RICTOR: variants seen among roughly 807,000 people sequenced by gnomAD.
RICTOR encodes RPTOR independent companion of MTOR complex 2.
Under a neutral mutation model 214.9 loss-of-function variants are expected in RICTOR, and 49 were observed. The observed-to-expected ratio is 0.23, with a 90% CI of 0.18 to 0.29. The LOEUF (loss-of-function observed/expected upper bound fraction) is 0.29, where lower values mean the gene tolerates loss of function less well. Among genes scored for constraint, RICTOR ranks in the 10% least tolerant of loss-of-function variants. The pLI is 1.00. For missense variants in RICTOR, 1,625 were observed against 2,047.0 expected (o/e 0.79, Z 3.98); for synonymous variants, 717 against 711.3 (o/e 1.01, Z -0.13).
In RICTOR at chr5:38,957,665, T is replaced by C; in HGVS notation, c.2486A>G (p.Glu829Gly). ...NERGYVAKQL[E>G]KWHREYNSKY... The stretch of plus-strand genomic sequence containing the variant: ...ATAAGAAGTTACCCTGTGCCACTTT[T>C]CCAATTGTTTTGCTACATAACCTCT... The change falls in exon 25 of 38, where the codon GAA becomes GGA. Residue 829 changes from glutamate (E) to glycine (G), a missense_variant. Physicochemically the swap from Glu to Gly is moderately conservative, Grantham distance 98. Around this residue, in one of 5 missense-constraint regions of RICTOR, gnomAD observed 1,214 missense variants for 1,470.5 expected, o/e 0.83. Transcript: ENST00000357387. 2 of 1,563,538 alleles carry C rather than the reference T, an allele frequency of 1.3e-6. No individual in the cohort carries two copies. Among genetic ancestry groups the C allele is most frequent in the Non-Finnish European group, 1.8e-6 (2 of 1,141,730 alleles).
At chr5:39,041,508 G>A (rs1757166306) in intron 2 of RICTOR, among the ~76,000 whole-genome samples, 1 of 152,128 alleles carries the variant, frequency 6.6e-6, no homozygotes, top group South Asian at 2.1e-4. Context: ...TCTGGAGAGT[G>A]AACTGCAGAA....
chr5:39,022,211 G>C (rs1272326049), intron 2 of RICTOR, among the ~76,000 whole-genome samples: 2 of 152,180 alleles, frequency 1.3e-5, no homozygotes, highest in Non-Finnish European at 2.9e-5. Context: ...TACATTAAAT[G>C]CATTTTTGAC....
chr5:39,033,141 C>T lies in RICTOR; in HGVS notation c.98-12005G>A, dbSNP rs72635278. Among the ~76,000 whole-genome samples, 1,164 of 152,260 alleles carry T rather than the reference C, an allele frequency of 7.6e-3. 16 individuals carry two copies. The highest frequency in any genetic ancestry group is 0.05 in the East Asian group (258 of 5,176). On this transcript the variant is annotated intron_variant, in intron 2 of 37. Coordinates refer to ENST00000357387, the MANE Select transcript of RICTOR (RefSeq NM_152756.5). ...AAATAACAACTATAAATAATATGAT[C>T]GCCTTAAGTGTAAACTTCAACTGCA...
At chr5:38,948,042 C>G (rs541105476) in intron 31 of RICTOR, among the ~76,000 whole-genome samples, 1 of 152,022 alleles carries the variant, frequency 6.6e-6, no homozygotes, top group South Asian at 2.1e-4. Context: ...CAATGTACTC[C>G]TTACTACTAG....
intron 26 of RICTOR, 68 bp downstream of exon 26, chr5:38,955,527 C>T: frequency 5.6e-6 from 5 of 887,662 alleles, no homozygotes; most frequent in Admixed American, 1.9e-5. Flanking sequence ...GCAGAATATA[C>T]AAAAACTCAG....
chr5:38,992,984 T>C (rs1236530789), intron 6 of RICTOR, among the ~76,000 whole-genome samples: 1 of 152,140 alleles, frequency 6.6e-6, no homozygotes, highest in Non-Finnish European at 1.5e-5. Context: ...AGAAGATCGA[T>C]GTAAGGTGAG....
Position 38,942,342 on chromosome 5 carries a change from G to T in RICTOR, c.5089C>A (p.Pro1697Thr). ...EEAEAVLATP[P>T]KQPIVDTSAE... The stretch of plus-strand genomic sequence containing the variant: ...GATGTATCAACTATAGGTTGCTTTG[G>T]TGGTGTTGCCAACACAGCCTCTGCT... Residue 1697 changes from proline to threonine, a missense_variant, in exon 38 of 38, where the codon CCA (proline) becomes ACA (threonine). Pro to Thr is a conservative substitution (Grantham distance 38). Around this residue, in one of 5 missense-constraint regions of RICTOR, gnomAD observed 38 missense variants for 34.8 expected, o/e 1.09. Coordinates refer to ENST00000357387, the MANE Select transcript of RICTOR (RefSeq NM_152756.5). 1 of 1,598,384 alleles carries T rather than the reference G, an allele frequency of 6.3e-7. No homozygotes were observed.
intron 27 of RICTOR, among the ~76,000 whole-genome samples, chr5:38,954,084 T>C (rs371608705): frequency 7.1e-5 from 10 of 139,876 alleles, no homozygotes; most frequent in East Asian, 2.1e-4. Context: ...CATGAAACTA[T>C]AGAGTACATT....
chr5:39,066,533 G>A (rs1366326552), intron 2 of RICTOR, among the ~76,000 whole-genome samples: 2 of 152,220 alleles, frequency 1.3e-5, no homozygotes, highest in Admixed American at 6.5e-5. Context: ...TAGCCTGCTT[G>A]AATTCCTCCC....
At chr5:39,046,940 C>T (rs1189963941) in intron 2 of RICTOR, among the ~76,000 whole-genome samples, 1 of 152,102 alleles carries the variant, frequency 6.6e-6, no homozygotes, top group African/African-American at 2.4e-5. Flanking sequence ...CCCTTTAAGT[C>T]AATGCCTCAA....
chr5:38,942,685 G>A, intron 37 of RICTOR, 148 bp downstream of exon 37: 1 of 616,106 alleles, frequency 1.6e-6, no homozygotes, highest in South Asian at 2.2e-5. Flanking sequence ...TGAATTCCTG[G>A]GCTCAAGCAA....
At chr5:39,041,712 C>A (rs548156887) in intron 2 of RICTOR, among the ~76,000 whole-genome samples, 1 of 152,194 alleles carries the variant, frequency 6.6e-6, no homozygotes, top group African/African-American at 2.4e-5. Context: ...GGGAAATTTT[C>A]TACCAGCTGT....
intron 2 of RICTOR, among the ~76,000 whole-genome samples, chr5:39,049,387 T>C (rs1374161894): frequency 2.0e-5 from 3 of 152,170 alleles, no homozygotes; most frequent in African/African-American, 7.2e-5. Flanking sequence ...GGTAAACTTG[T>C]TCATAGAGTC....
intron 31 of RICTOR, chr5:38,949,476 C>T: frequency 1.4e-6 from 2 of 1,466,946 alleles, no homozygotes; most frequent in Non-Finnish European, 1.8e-6. Context: ...CTTGTATGTC[C>T]TTTGCAAAGC....
intron 6 of RICTOR, among the ~76,000 whole-genome samples, chr5:38,991,672 C>A (rs1752786160): frequency 6.6e-6 from 1 of 152,008 alleles, no homozygotes; most frequent in Admixed American, 6.6e-5. Flanking sequence ...TAATCCAAAT[C>A]TATTTTTAAT....
intron 16 of RICTOR, among the ~76,000 whole-genome samples, chr5:38,963,817 T>C (rs573667575): frequency 2.7e-4 from 41 of 151,982 alleles, no homozygotes; most frequent in African/African-American, 9.9e-4. Flanking sequence ...GGAAAGTACA[T>C]TCTTCCATCA....
intron 11 of RICTOR, among the ~76,000 whole-genome samples, chr5:38,969,380 T>C (rs1339725708): frequency 1.3e-5 from 2 of 152,026 alleles, no homozygotes; most frequent in Non-Finnish European, 2.9e-5. Context: ...ACCTATACAA[T>C]GTGTTTGTGT....
At position 38,958,841 on chromosome 5, in the gene RICTOR, T is replaced by C. The variant is rs1387821274; in HGVS notation, c.2179-10A>G. On this transcript the variant is annotated splice_polypyrimidine_tract_variant and intron_variant, in intron 22 of 37. Coordinates refer to ENST00000357387, the MANE Select transcript of RICTOR (RefSeq NM_152756.5). The stretch of plus-strand genomic sequence containing the variant: ...CATAGAGTCTGCAGGCCTATAAGGA[T>C]AAATGAATACATTAAAAAAAAAAAA... The C allele has an allele frequency of 6.6e-7, 1 of 1,508,578 alleles. No individual in the cohort carries two copies. The highest frequency in any genetic ancestry group is 2.3e-5 in the Admixed American group (1 of 42,966). The allele number at this position is 1,508,578 out of a possible 1,614,324, so 93.4% of individuals were successfully genotyped here.
chr5:39,041,894 T>C (rs893125524), intron 2 of RICTOR, among the ~76,000 whole-genome samples: 1 of 142,888 alleles, frequency 7.0e-6, no homozygotes, highest in African/African-American at 2.7e-5. Context: ...TGAGCTATGA[T>C]CATGCCACTG....
Sources: gnomAD v4.1 joint callset for allele counts (sites outside exome capture counted in the v4.1 genomes callset) on GRCh38, gnomAD v4.1.1 for gene constraint, gnomAD v4.1.1 regional missense constraint, MANE v1.5 for transcripts, NCBI Gene and HGNC (gene_info 2026-07-23, HGNC 2026-07-21) for gene names.